Variants in ZBTB20 observed in about 807,000 individuals in gnomAD.
ZBTB20 encodes the protein zinc finger and BTB domain-containing protein 20.
A neutral mutation model predicts 56.9 loss-of-function variants in ZBTB20; 9 were observed. The observed-to-expected ratio is 0.16, with a 90% confidence interval of 0.10 to 0.28. The LOEUF (loss-of-function observed/expected upper bound fraction) is 0.28. ZBTB20 is among the 10% of genes least tolerant of loss of function. ZBTB20 has a pLI of 1.00. For synonymous variants in ZBTB20, 417 were observed against 420.7 expected (o/e 0.99, Z 0.11); for missense variants, 655 against 1,003.0 (o/e 0.65, Z 4.69).
At chr3:114,349,812 A>T (rs1472839347) in intron 11 of ZBTB20, among the ~76,000 whole-genome samples, 3 of 152,250 alleles carry the variant, frequency 2.0e-5, no homozygotes, top group Non-Finnish European at 4.4e-5. Context: ...AAGGCGTATC[A>T]CGATTATTCT....
intron 11 of ZBTB20, among the ~76,000 whole-genome samples, chr3:114,345,896 G>C (rs2080145278): frequency 6.6e-6 from 1 of 151,996 alleles, no homozygotes; most frequent in African/African-American, 2.4e-5. Context: ...TTTTTCTCTT[G>C]ATGAAGGGGG....
chr3:114,595,690 C>A (rs113954380), intron 6 of ZBTB20, among the ~76,000 whole-genome samples: 9 of 152,322 alleles, frequency 5.9e-5, no homozygotes, highest in African/African-American at 1.7e-4. Context: ...CAAAGTCTTG[C>A]ATGCTTATCC....
intron 5 of ZBTB20, among the ~76,000 whole-genome samples, chr3:114,778,996 C>T (rs2069852027): frequency 6.6e-6 from 1 of 152,202 alleles, no homozygotes; most frequent in African/African-American, 2.4e-5. Flanking sequence ...TATACACCTT[C>T]ATTTCAATAA....
At chr3:114,588,812 T>C (rs1454839759) in intron 6 of ZBTB20, among the ~76,000 whole-genome samples, 9 of 152,138 alleles carry the variant, frequency 5.9e-5, no homozygotes, top group Non-Finnish European at 8.8e-5. Flanking sequence ...TAATCCATAT[T>C]AGTCTGTTCT....
At chr3:114,924,207 A>G (rs906920848) in intron 3 of ZBTB20, among the ~76,000 whole-genome samples, 2 of 152,248 alleles carry the variant, frequency 1.3e-5, no homozygotes, top group African/African-American at 4.8e-5. Flanking sequence ...TTCTGGGTTT[A>G]TATCCAAAGG....
chr3:114,966,808 A>T (rs1409692441), intron 3 of ZBTB20, among the ~76,000 whole-genome samples: 2 of 152,150 alleles, frequency 1.3e-5, no homozygotes, highest in Non-Finnish European at 2.9e-5. Context: ...ATAATTCTGA[A>T]ATTAAAATGA....
intron 5 of ZBTB20, among the ~76,000 whole-genome samples, chr3:114,778,262 A>T (rs1226037992): frequency 9.0e-6 from 1 of 110,970 alleles, no homozygotes; most frequent in Non-Finnish European, 1.8e-5. Context: ...AATAATAATA[A>T]TAATAATAAT....
chr3:114,637,564 C>T (rs548342929), intron 6 of ZBTB20, among the ~76,000 whole-genome samples: 2 of 152,122 alleles, frequency 1.3e-5, no homozygotes, highest in South Asian at 4.1e-4. Context: ...TTGGTATTTC[C>T]ACAGGAGACC....
intron 3 of ZBTB20, among the ~76,000 whole-genome samples, chr3:114,903,258 G>C (rs936916842): frequency 6.6e-6 from 1 of 152,042 alleles, no homozygotes; most frequent in Non-Finnish European, 1.5e-5. Flanking sequence ...TGGTGATCAT[G>C]TTACTCACCC....
At chr3:114,534,163 T>C (rs2048181618) in intron 6 of ZBTB20, among the ~76,000 whole-genome samples, 1 of 152,200 alleles carries the variant, frequency 6.6e-6, no homozygotes, top group Non-Finnish European at 1.5e-5. Flanking sequence ...GTAAATGGGC[T>C]AAATGCCCCA....
At position 114,322,576 on chromosome 3, in the gene ZBTB20, A is replaced by G. The variant is rs1336764201; in HGVS notation, c.*16429T>C. The G allele has an allele frequency of 6.6e-6, 1 of 152,220 alleles. No individual in the cohort carries two copies. The highest frequency in any genetic ancestry group is 1.5e-5 in the Non-Finnish European group (1 of 68,030). 9.4% of individuals were successfully genotyped at this position (152,220 alleles called of 1,614,324 possible). On this transcript the variant is annotated 3_prime_UTR_variant, in exon 12 of 12. Coordinates refer to ENST00000675478, the MANE Select transcript of ZBTB20 (RefSeq NM_001348800.3). ...CAAGAGAAGTATCCTAGGACAGTTA[A>G]TGTGAATATATTTTAAAAAGTCAAT... is the stretch of plus-strand genomic sequence containing the variant.
At position 114,918,929 on chromosome 3, in the gene ZBTB20, T is replaced by C. The variant is rs1324870660; in HGVS notation, c.-455-18587A>G. 5.3e-5 allele frequency among the ~76,000 whole-genome samples: 8 copies of C among 152,314 alleles called. No individual in the cohort carries two copies. The East Asian group carries it at 1.5e-3, about 29-fold the overall frequency. On this transcript the variant is annotated intron_variant, in intron 3 of 11. Transcript: ENST00000675478. ...ACTGGCTCCAAGCCTAGCAGAGCACTAGGACTTGCCTAGGAGTTGCAGTCC... is the reference window on the plus strand; with the variant it reads ...ACTGGCTCCAAGCCTAGCAGAGCACCAGGACTTGCCTAGGAGTTGCAGTCC...
At chr3:114,662,132 C>T (rs1434569370) in intron 6 of ZBTB20, among the ~76,000 whole-genome samples, 5 of 148,676 alleles carry the variant, frequency 3.4e-5, no homozygotes, top group Non-Finnish European at 7.4e-5. Context: ...TCAATTCCCA[C>T]CTATGAGTGA....
chr3:114,683,773 AG>A (rs2062138565), intron 6 of ZBTB20, among the ~76,000 whole-genome samples: 1 of 152,072 alleles, frequency 6.6e-6, no homozygotes, highest in Non-Finnish European at 1.5e-5. Flanking sequence ...CTGGGGCAGA[AG>A]GAAAAGCATA....
intron 7 of ZBTB20, among the ~76,000 whole-genome samples, chr3:114,426,425 T>G (rs1441171158): frequency 6.6e-6 from 1 of 151,660 alleles, no homozygotes; most frequent in Non-Finnish European, 1.5e-5. Flanking sequence ...CAGTTCCCTC[T>G]TTAGTCCTCC....
intron 7 of ZBTB20, among the ~76,000 whole-genome samples, chr3:114,456,248 G>A (rs942148802): frequency 1.3e-5 from 2 of 151,524 alleles, no homozygotes; most frequent in African/African-American, 4.9e-5. Flanking sequence ...TGAATGCTAG[G>A]AACAAGGGAT....
chr3:115,071,441 T>C (rs964545852), intron 1 of ZBTB20, 27 bp from the exon 2 acceptor site: 1 of 152,040 alleles, frequency 6.6e-6, no homozygotes, highest in Non-Finnish European at 1.5e-5. Context: ...AAAGAAGAAA[T>C]AGAAAGATTA....
intron 6 of ZBTB20, among the ~76,000 whole-genome samples, chr3:114,623,320 A>T (rs1164373012): frequency 6.6e-6 from 1 of 152,178 alleles, no homozygotes; most frequent in Non-Finnish European, 1.5e-5. Flanking sequence ...TCCCCACTCC[A>T]TTCCTTCGAC....
chr3:114,756,548 A>G (rs1022575340), intron 5 of ZBTB20, among the ~76,000 whole-genome samples: 2 of 152,188 alleles, frequency 1.3e-5, no homozygotes, highest in Non-Finnish European at 2.9e-5. Context: ...TACATGATAC[A>G]TACACATACA....
Sources: gnomAD v4.1 joint callset for allele counts (sites outside exome capture counted in the v4.1 genomes callset) on GRCh38, gnomAD v4.1.1 for gene constraint, MANE v1.5 for transcripts, NCBI Gene and HGNC (gene_info 2026-07-23, HGNC 2026-07-21) for gene names.